MPP1: variants seen among roughly 807,000 people sequenced by gnomAD.
MPP1 encodes the protein MAGUK p55 scaffold protein 1.
MPP1 carries 6 observed loss-of-function variants against 38.2 expected under a neutral mutation model. The observed-to-expected ratio is 0.16, with a 90% CI of 0.09 to 0.31. The LOEUF is 0.31. Ranked by LOEUF, MPP1 falls within the 10% of genes least tolerant of loss-of-function variation. The pLI is 1.00. For synonymous variants in MPP1, 153 were observed against 146.3 expected (o/e 1.05, Z -0.33); for missense variants, 293 against 368.9 (o/e 0.79, Z 1.69).
chrX:154,784,954 G>T, intron 7 of MPP1, 97 bp downstream of exon 7: 1 of 744,468 alleles, frequency 1.3e-6, no homozygotes, highest in Non-Finnish European at 2.1e-6. Flanking sequence ...GCCTTCTGCT[G>T]CGCACTGCAC....
At chrX:154,791,418 GT>G (rs1286247352) in intron 3 of MPP1, among the ~76,000 whole-genome samples, 5 of 112,229 alleles carry the variant, frequency 4.5e-5, no homozygotes, top group African/African-American at 1.6e-4. Flanking sequence ...TTTCTTTGTT[GT>G]TTAGCTCAAA....
Position 154,792,159 on chromosome X carries a change from CCTT to C in MPP1, c.226_228del (p.Lys76del). 8.3e-7 allele frequency: 1 copy of C among 1,211,403 alleles called. No homozygotes were observed. Among genetic ancestry groups the C allele is most frequent in the Middle Eastern group, 2.3e-4 (1 of 4,346 alleles). ...GGGATTACCATGGGCTCTTCTGTGA[CCTT>C]CTCAAACTGTATGAGTCGCACTTTC... On this transcript the variant is annotated inframe_deletion, in exon 2 of 12. Transcript: ENST00000369534.
intron 1 of MPP1, among the ~76,000 whole-genome samples, chrX:154,793,274 A>G (rs1320799835): frequency 1.8e-5 from 2 of 112,535 alleles, no homozygotes; most frequent in Non-Finnish European, 3.8e-5. Flanking sequence ...AAATTCAAAC[A>G]TCTTACATAA....
At chrX:154,787,146 A>ACACC (rs2072088767) in intron 5 of MPP1, among the ~76,000 whole-genome samples, 1 of 83,978 alleles carries the variant, frequency 1.2e-5, no homozygotes, top group African/African-American at 4.4e-5. Flanking sequence ...ACACACACAC[A>ACACC]CCTACCTCAT....
chrX:154,790,920 C>G (rs782184181), intron 4 of MPP1, 63 bp downstream of exon 4: 65 of 1,035,254 alleles, frequency 6.3e-5, no homozygotes, highest in Non-Finnish European at 8.6e-5. Context: ...GTCACTGATA[C>G]CAATGTGGAT....
intron 2 of MPP1, 39 bp downstream of exon 2, chrX:154,792,103 A>T (rs375041440): frequency 2.0e-5 from 24 of 1,194,724 alleles, no homozygotes; most frequent in Non-Finnish European, 2.7e-5. Context: ...CTCATGGGGC[A>T]GAGAGTAACT....
chrX:154,790,582 T>C (rs1215668257), intron 4 of MPP1, among the ~76,000 whole-genome samples: 2 of 110,315 alleles, frequency 1.8e-5, no homozygotes, highest in African/African-American at 6.6e-5. Context: ...CAAAAAGTCC[T>C]GAAGAAGTTC....
chrX:154,781,198 C>T (rs781852015), intron 11 of MPP1, 41 bp downstream of exon 11: 47 of 1,120,876 alleles, frequency 4.2e-5, no homozygotes, highest in East Asian at 1.2e-4. Flanking sequence ...TGGGCAGGCC[C>T]GGAGAAAGTG....
At chrX:154,803,744 T>C (rs2072290061) in intron 1 of MPP1, among the ~76,000 whole-genome samples, 1 of 112,655 alleles carries the variant, frequency 8.9e-6, no homozygotes, top group South Asian at 3.6e-4. Flanking sequence ...ATTGTGGTTG[T>C]CGTTACATGA....
chrX:154,796,941 G>C (rs947914777), intron 1 of MPP1, among the ~76,000 whole-genome samples: 9 of 111,695 alleles, frequency 8.1e-5, no homozygotes, highest in Non-Finnish European at 1.5e-4. Flanking sequence ...CTAGCTACTC[G>C]TGAGGCTGAG....
chrX:154,786,490 G>T (rs2072075718), intron 5 of MPP1, 90 bp from the exon 6 acceptor site: 4 of 849,662 alleles, frequency 4.7e-6, no homozygotes, highest in East Asian at 6.3e-5. Flanking sequence ...ATGGGGTCAG[G>T]ATGGAATGAA....
intron 1 of MPP1, 24 bp downstream of exon 1, chrX:154,805,248 T>G (rs2072307880): frequency 8.5e-7 from 1 of 1,177,825 alleles, no homozygotes; most frequent in Non-Finnish European, 1.1e-6. Flanking sequence ...CCCAGCGCCC[T>G]TGGGACTAGC....
Position 154,799,610 on chromosome X carries a change from C to T in MPP1, c.102+5662G>A, listed in dbSNP as rs1557268446. 6.4e-6 allele frequency: 4 copies of T among 620,876 alleles called. No individual in the cohort carries two copies. In the East Asian group the frequency reaches 1.1e-4, roughly 17 times the overall value. The allele number at this position is 620,876 out of a possible 1,213,427, so 51.2% of individuals were successfully genotyped here. On this transcript the variant is annotated intron_variant, in intron 1 of 11. Coordinates refer to ENST00000369534, the MANE Select transcript of MPP1 (RefSeq NM_002436.4). ...CCACATCATCCTCTCAAAGCAGCCA[C>T]CATCATCTGTAGTGGATATAGGAGG... is the stretch of plus-strand genomic sequence containing the variant.
At chrX:154,797,396 A>G (rs927808565) in intron 1 of MPP1, among the ~76,000 whole-genome samples, 5 of 112,478 alleles carry the variant, frequency 4.4e-5, no homozygotes, top group Non-Finnish European at 9.4e-5. Flanking sequence ...AGAGAGTAGG[A>G]AGACTCAGTC....
intron 5 of MPP1, among the ~76,000 whole-genome samples, chrX:154,788,250 A>G (rs1261580097): frequency 4.4e-5 from 5 of 112,486 alleles, no homozygotes; most frequent in African/African-American, 1.3e-4. Flanking sequence ...CATGAAGAAA[A>G]TAAGCCACAG....
At chrX:154,790,350 G>A (rs2072126876) in intron 4 of MPP1, among the ~76,000 whole-genome samples, 1 of 110,320 alleles carries the variant, frequency 9.1e-6, no homozygotes, top group Non-Finnish European at 1.9e-5. Flanking sequence ...TGGCCAACAT[G>A]GTGAAACCCT....
intron 1 of MPP1, among the ~76,000 whole-genome samples, chrX:154,798,771 A>G (rs113262173): frequency 1.8e-5 from 2 of 111,156 alleles, no homozygotes; most frequent in Admixed American, 1.9e-4. Flanking sequence ...TTTCACTCTT[A>G]TTGCCCAGGC....
At chrX:154,800,107 C>T (rs2072246023) in intron 1 of MPP1, among the ~76,000 whole-genome samples, 3 of 112,408 alleles carry the variant, frequency 2.7e-5, no homozygotes, top group Non-Finnish European at 1.9e-5. Context: ...TCCAAGAAGG[C>T]GAGATGATGC....
chrX:154,785,114 T>G lies in MPP1; in HGVS notation c.721A>C (p.Ser241Arg). ...TTCTTCTTCCCAAAGGGACTGCAGC[T>G]CGGGGCTTCGCTAGGAGCTGACTGA... ...MAQSAPSEAP[S>R]CSPFGKKKKY... is the part of the protein sequence containing the mutation. The change falls in exon 7 of 12, where the codon AGC becomes CGC. Residue 241 changes from serine to arginine, a missense_variant. Physicochemically the swap from Ser to Arg is moderately radical, Grantham distance 110. Transcript: ENST00000369534. 1 of 1,210,187 alleles carries G rather than the reference T, an allele frequency of 8.3e-7. No individual in the cohort carries two copies. Among genetic ancestry groups the G allele is most frequent in the Non-Finnish European group, 1.1e-6 (1 of 894,801 alleles).
Sources: gnomAD v4.1 joint callset for allele counts (sites outside exome capture counted in the v4.1 genomes callset) on GRCh38, gnomAD v4.1.1 for gene constraint, MANE v1.5 for transcripts, NCBI Gene and HGNC (gene_info 2026-07-23, HGNC 2026-07-21) for gene names.